SPIRE1: variants seen among roughly 807,000 people sequenced by gnomAD.
SPIRE1 encodes the protein protein spire homolog 1.
Under a neutral mutation model 94.1 loss-of-function variants are expected in SPIRE1, and 40 were observed. The ratio of observed to expected loss-of-function variants is 0.43; its 90% CI spans 0.33 to 0.55. The LOEUF (loss-of-function observed/expected upper bound fraction) is 0.55, where lower values mean the gene tolerates loss of function less well. Among genes scored for constraint, SPIRE1 ranks in the 20% least tolerant of loss-of-function variants. The pLI, the probability that SPIRE1 is intolerant of heterozygous loss-of-function variation, is 0.06. For missense variants in SPIRE1, 838 were observed against 975.2 expected, an observed-to-expected ratio of 0.86 and a Z score of 1.87; for synonymous variants, 376 against 371.7, an observed-to-expected ratio of 1.01 and a Z score of -0.13.
chr18:12,479,587 G>T, intron 10 of SPIRE1, 112 bp downstream of exon 10: 1 of 1,013,676 alleles, frequency 9.9e-7, no homozygotes, highest in Non-Finnish European at 1.4e-6. Flanking sequence ...TTTACTGGTT[G>T]AAAAATGGGA....
intron 4 of SPIRE1, among the ~76,000 whole-genome samples, chr18:12,532,340 A>G (rs1238611166): frequency 6.6e-6 from 1 of 152,246 alleles, no homozygotes; most frequent in Non-Finnish European, 1.5e-5. Flanking sequence ...ATATTTTAAT[A>G]AATTGCCAAT....
intron 6 of SPIRE1, among the ~76,000 whole-genome samples, chr18:12,505,560 A>AC (rs959820588): frequency 2.0e-5 from 3 of 151,134 alleles, no homozygotes; most frequent in East Asian, 3.9e-4. Flanking sequence ...CTCAAAAAAA[A>AC]AAAAAAACAA....
chr18:12,551,023 T>C (rs1317038824), intron 2 of SPIRE1, among the ~76,000 whole-genome samples: 2 of 152,246 alleles, frequency 1.3e-5, no homozygotes, highest in Admixed American at 6.5e-5. Context: ...ATACAATATG[T>C]ATTCCGATAT....
intron 2 of SPIRE1, among the ~76,000 whole-genome samples, chr18:12,630,761 G>T (rs373674566): frequency 2.9e-4 from 44 of 152,294 alleles, no homozygotes; most frequent in African/African-American, 1.0e-3. Context: ...GGGCACAAGG[G>T]CCACCTAACA....
chr18:12,596,220 C>T (rs2036667735), intron 2 of SPIRE1, among the ~76,000 whole-genome samples: 1 of 152,068 alleles, frequency 6.6e-6, no homozygotes, highest in African/African-American at 2.4e-5. Context: ...TGAAAGAAAA[C>T]AAAAATGAAG....
At chr18:12,555,373 A>C (rs1234475468) in intron 2 of SPIRE1, among the ~76,000 whole-genome samples, 1 of 152,128 alleles carries the variant, frequency 6.6e-6, no homozygotes, top group Non-Finnish European at 1.5e-5. Context: ...TAAAAAAAGA[A>C]ATCTACAGGT....
chr18:12,526,285 C>T (rs2034522845), intron 4 of SPIRE1, among the ~76,000 whole-genome samples: 1 of 152,152 alleles, frequency 6.6e-6, no homozygotes, highest in Non-Finnish European at 1.5e-5. Context: ...CATCTCCTGG[C>T]CTTCATGTGT....
chr18:12,505,569 A>C (rs1049193709), intron 6 of SPIRE1, among the ~76,000 whole-genome samples: 4 of 149,636 alleles, frequency 2.7e-5, no homozygotes, highest in Non-Finnish European at 4.5e-5. Flanking sequence ...AAAAAAAAAC[A>C]AAAAAACTCT....
intron 2 of SPIRE1, among the ~76,000 whole-genome samples, chr18:12,615,345 A>AAAAAAAAAAAAAAAAAATATATATAT: frequency 2.3e-4 from 4 of 17,244 alleles, no homozygotes; most frequent in Non-Finnish European, 5.6e-4. Flanking sequence ...AAAAAAAAAA[A>AAAAAAAAAAAAAAAAAATATATATAT]ATATATATAT....
At chr18:12,527,477 G>A (rs184890277) in intron 4 of SPIRE1, among the ~76,000 whole-genome samples, 4 of 152,300 alleles carry the variant, frequency 2.6e-5, no homozygotes, top group African/African-American at 9.6e-5. Context: ...TGAACATGAT[G>A]TAGGTTGTCT....
chr18:12,551,620 G>T (rs1016589477), intron 2 of SPIRE1, among the ~76,000 whole-genome samples: 1 of 151,902 alleles, frequency 6.6e-6, no homozygotes, highest in Admixed American at 6.6e-5. Flanking sequence ...CGGGAGAATG[G>T]CATGGCAGGA....
At chr18:12,538,258 C>T (rs747570633) in intron 3 of SPIRE1, among the ~76,000 whole-genome samples, 2 of 152,010 alleles carry the variant, frequency 1.3e-5, no homozygotes, top group Non-Finnish European at 2.9e-5. Context: ...ATACAGTAAG[C>T]ATGCAACAAA....
intron 2 of SPIRE1, among the ~76,000 whole-genome samples, chr18:12,548,070 G>T (rs1308786026): frequency 1.3e-5 from 2 of 152,156 alleles, no homozygotes; most frequent in Non-Finnish European, 2.9e-5. Flanking sequence ...GGATGTCAAT[G>T]ATACCTCCAT....
upstream of SPIRE1, among the ~76,000 whole-genome samples, chr18:12,661,549 A>G (rs1347141812): frequency 6.6e-6 from 1 of 152,180 alleles, no homozygotes; most frequent in African/African-American, 2.4e-5. Context: ...ACGCAGGCAG[A>G]TCGCTTGAGG....
chr18:12,562,346 G>A (rs1020951053), intron 2 of SPIRE1, among the ~76,000 whole-genome samples: 1 of 152,060 alleles, frequency 6.6e-6, no homozygotes, highest in East Asian at 1.9e-4. Flanking sequence ...GTGCAGTGGT[G>A]TAATCATGGC....
intron 2 of SPIRE1, among the ~76,000 whole-genome samples, chr18:12,610,625 AAC>A (rs1216079986): frequency 2.6e-5 from 4 of 152,094 alleles, no homozygotes; most frequent in Non-Finnish European, 5.9e-5. Context: ...GCTAGAGTAA[AAC>A]ACAGAAAACT....
intron 2 of SPIRE1, among the ~76,000 whole-genome samples, chr18:12,628,398 A>G (rs1442102900): frequency 1.3e-5 from 2 of 151,990 alleles, no homozygotes; most frequent in Non-Finnish European, 2.9e-5. Flanking sequence ...GTTCTGTTCC[A>G]TTGGTCAATA....
At chr18:12,465,700 C>T (rs1354637107) in intron 10 of SPIRE1, among the ~76,000 whole-genome samples, 1 of 152,128 alleles carries the variant, frequency 6.6e-6, no homozygotes, top group Non-Finnish European at 1.5e-5. Context: ...TGTCCAGTAC[C>T]AAACCCATCA....
intron 1 of SPIRE1, among the ~76,000 whole-genome samples, chr18:12,637,696 C>T (rs1231960877): frequency 1.3e-5 from 2 of 152,176 alleles, no homozygotes; most frequent in Non-Finnish European, 1.5e-5. Context: ...CCATGGGGCA[C>T]GCCAAGCCCA....
Sources: gnomAD v4.1 joint callset for allele counts (sites outside exome capture counted in the v4.1 genomes callset) on GRCh38, gnomAD v4.1.1 for gene constraint, MANE v1.5 for transcripts, NCBI Gene and HGNC (gene_info 2026-07-23, HGNC 2026-07-21) for gene names.